The following HAT1 variants were observed in gnomAD, a reference collection of about 807,000 sequenced individuals.
HAT1 encodes histone acetyltransferase type B catalytic subunit.
A neutral mutation model predicts 56.6 loss-of-function variants in HAT1; 20 were observed. That is an observed-to-expected ratio of 0.35 (90% confidence interval 0.25 to 0.51). HAT1 has a LOEUF of 0.51. HAT1 is among the 20% of genes least tolerant of loss of function. The pLI, the probability that HAT1 is intolerant of heterozygous loss-of-function variation, is 0.95. For missense variants in HAT1, 408 were observed against 504.3 expected (o/e 0.81, Z 1.83); for synonymous variants, 146 against 165.5 (o/e 0.88, Z 0.91).
At chr2:171,935,515 CAAAAAAAAAAAAA>C (rs56220004) in intron 2 of HAT1, among the ~76,000 whole-genome samples, 1 of 55,652 alleles carries the variant, frequency 1.8e-5, no homozygotes, top group Non-Finnish European at 3.3e-5. Context: ...AACTCCATCT[CAAAAAAAAAAAAA>C]AAAAAAAAAA....
At position 171,941,003 on chromosome 2, in the gene HAT1, A is replaced by G. The variant is rs186636135; in HGVS notation, c.113-5705A>G. Among the ~76,000 whole-genome samples the G allele has an allele frequency of 4.6e-5, 7 of 152,306 alleles. No individual in the cohort carries two copies. The East Asian group carries it at 1.4e-3, about 29-fold the overall frequency. On this transcript the variant is annotated intron_variant, in intron 2 of 10. Coordinates refer to ENST00000264108, the MANE Select transcript of HAT1 (RefSeq NM_003642.4). ...CTGAGACAAGTGTACAGTGTGAGAA[A>G]GAGGCACAGATGGAAGTCGCAAATA...
intron 2 of HAT1, among the ~76,000 whole-genome samples, chr2:171,944,448 C>T (rs184823996): frequency 1.3e-5 from 2 of 152,296 alleles, no homozygotes; most frequent in Admixed American, 1.3e-4. Flanking sequence ...GGTGAGAAAA[C>T]TTCATGGGTG....
At chr2:171,974,210 A>AAAG (rs782575945) in intron 8 of HAT1, among the ~76,000 whole-genome samples, 8,457 of 70,108 alleles carry the variant, frequency 0.12, 404 homozygotes, top group African/African-American at 0.19. Context: ...AGAAAAAGAA[A>AAAG]AAAAAAAAAA....
chr2:171,977,553 ATATATT>A (rs1397755000), intron 9 of HAT1, among the ~76,000 whole-genome samples: 2 of 10,950 alleles, frequency 1.8e-4, no homozygotes, highest in Non-Finnish European at 3.3e-4. Flanking sequence ...ATATATATAT[ATATATT>A]TTTTTTTTTT....
intron 2 of HAT1, among the ~76,000 whole-genome samples, chr2:171,928,064 T>C: frequency 6.6e-6 from 1 of 151,996 alleles, no homozygotes; most frequent in African/African-American, 2.4e-5. Flanking sequence ...TTTTTGTATT[T>C]TTAGTAGAGA....
At chr2:171,972,058 C>A (rs1337681649) in intron 8 of HAT1, among the ~76,000 whole-genome samples, 1 of 152,164 alleles carries the variant, frequency 6.6e-6, no homozygotes, top group Admixed American at 6.5e-5. Context: ...GCACAACCAC[C>A]CCCTACTGTG....
intron 2 of HAT1, among the ~76,000 whole-genome samples, chr2:171,934,957 T>C (rs1686834111): frequency 6.6e-6 from 1 of 151,222 alleles, no homozygotes. Context: ...GGTTTCGCCA[T>C]GTTGGCCAGG....
chr2:171,969,465 T>C (rs1687762728), intron 8 of HAT1, among the ~76,000 whole-genome samples: 1 of 152,224 alleles, frequency 6.6e-6, no homozygotes, highest in Non-Finnish European at 1.5e-5. Context: ...AGATGATGTA[T>C]TACATTTAGA....
intron 2 of HAT1, 57 bp downstream of exon 2, chr2:171,925,698 T>A: frequency 1.4e-6 from 1 of 736,062 alleles, no homozygotes; most frequent in Non-Finnish European, 2.4e-6. Flanking sequence ...ATATATAATC[T>A]TTCATTTTAA....
At chr2:171,967,631 C>G (rs1479310866) in intron 8 of HAT1, among the ~76,000 whole-genome samples, 1 of 151,786 alleles carries the variant, frequency 6.6e-6, no homozygotes, top group Non-Finnish European at 1.5e-5. Context: ...ACAAAGTGGC[C>G]CAAGGAATAT....
intron 9 of HAT1, among the ~76,000 whole-genome samples, chr2:171,977,334 T>C (rs1687992399): frequency 6.9e-6 from 1 of 144,322 alleles, no homozygotes; most frequent in African/African-American, 2.6e-5. Flanking sequence ...TGGTGGCGCG[T>C]GCCTGTAATC....
intron 8 of HAT1, among the ~76,000 whole-genome samples, chr2:171,967,966 A>T (rs1284006854): frequency 7.8e-6 from 1 of 127,460 alleles, no homozygotes; most frequent in African/African-American, 3.0e-5. Flanking sequence ...AGATTGTTTC[A>T]TCCTTCTTTA....
intron 8 of HAT1, among the ~76,000 whole-genome samples, chr2:171,974,891 A>G (rs1389685479): frequency 6.6e-6 from 1 of 152,152 alleles, no homozygotes; most frequent in African/African-American, 2.4e-5. Flanking sequence ...TGGATGTTAA[A>G]CCAACTTTGC....
intron 3 of HAT1, among the ~76,000 whole-genome samples, chr2:171,951,100 T>C (rs1365135735): frequency 1.3e-5 from 2 of 152,164 alleles, no homozygotes; most frequent in African/African-American, 2.4e-5. Context: ...CGTGAGCCAC[T>C]GCACCAGGCC....
chr2:171,952,036 A>G (rs1687321118), intron 3 of HAT1, among the ~76,000 whole-genome samples: 1 of 152,328 alleles, frequency 6.6e-6, no homozygotes, highest in East Asian at 1.9e-4. Flanking sequence ...CACTTTCTAA[A>G]AAAATCAGAA....
intron 3 of HAT1, 125 bp downstream of exon 3, chr2:171,946,908 T>C (rs1434304139): frequency 3.4e-6 from 2 of 581,294 alleles, no homozygotes; most frequent in Non-Finnish European, 6.0e-6. Context: ...TCTTAAAATA[T>C]ATGTTATAAT....
intron 1 of HAT1, chr2:171,923,384 C>T (rs908119341): frequency 2.0e-5 from 3 of 152,130 alleles, no homozygotes; most frequent in Non-Finnish European, 2.9e-5. Flanking sequence ...CTTGCCTCAG[C>T]CTCCCGAGTA....
chr2:171,958,444 AT>A (rs1687499235), intron 4 of HAT1, among the ~76,000 whole-genome samples: 1 of 151,900 alleles, frequency 6.6e-6, no homozygotes, highest in Non-Finnish European at 1.5e-5. Flanking sequence ...ATTAAAAAAA[AT>A]ATTTTTTTAA....
chr2:171,956,367 C>G (rs1687448969), intron 4 of HAT1, among the ~76,000 whole-genome samples: 1 of 151,874 alleles, frequency 6.6e-6, no homozygotes, highest in Admixed American at 6.6e-5. Context: ...CACACACACG[C>G]TGGGTGTGGT....
Sources: allele counts gnomAD v4.1 joint callset (sites outside exome capture counted in the v4.1 genomes callset), GRCh38; gene constraint gnomAD v4.1.1; transcripts MANE v1.5; gene names NCBI Gene and HGNC (gene_info 2026-07-23, HGNC 2026-07-21).